Variants in PGCKA1 observed in about 807,000 individuals in gnomAD.
The protein encoded by PGCKA1 is PDCD10 and GCKIII kinases-associated protein 1.
the PGCKA1 span, among the ~76,000 whole-genome samples, chr4:37,507,053 A>C: frequency 6.6e-6 from 1 of 152,014 alleles, no homozygotes; most frequent in African/African-American, 2.4e-5. Context: ...GTCTCTTCTT[A>C]TCATTTTTGT....
At chr4:37,508,141 A>T in the PGCKA1 span, among the ~76,000 whole-genome samples, 323 of 152,086 alleles carry the variant, frequency 2.1e-3, 3 homozygotes, top group Admixed American at 0.019. Flanking sequence ...TTTGGGAAGG[A>T]TCTTCCCAAA....
At chr4:37,469,338 C>G in the PGCKA1 span, among the ~76,000 whole-genome samples, 1 of 152,186 alleles carries the variant, frequency 6.6e-6, no homozygotes, top group Non-Finnish European at 1.5e-5. Context: ...GTAAGTCTGC[C>G]TTTCAGTAAG....
At chr4:37,572,181 G>C in the PGCKA1 span, among the ~76,000 whole-genome samples, 4 of 146,714 alleles carry the variant, frequency 2.7e-5, no homozygotes, top group African/African-American at 7.6e-5. Flanking sequence ...TCCTGCCTCA[G>C]CCTCCCAAGT....
chr4:37,530,715 G>A, the PGCKA1 span, among the ~76,000 whole-genome samples: 24 of 151,770 alleles, frequency 1.6e-4, no homozygotes, highest in East Asian at 1.4e-3. Flanking sequence ...GGTGGCTCAC[G>A]CCTGTAAGCC....
chr4:37,459,711 CA>C, the PGCKA1 span, among the ~76,000 whole-genome samples: 1 of 151,882 alleles, frequency 6.6e-6, no homozygotes, highest in Non-Finnish European at 1.5e-5. Context: ...ATTGCATAAC[CA>C]CAGTAAATGC....
chr4:37,536,449 G>A, the PGCKA1 span, among the ~76,000 whole-genome samples: 1 of 152,070 alleles, frequency 6.6e-6, no homozygotes, highest in Admixed American at 6.6e-5. Context: ...CTAGTTTAAG[G>A]TCTGTCAGTC....
At chr4:37,468,074 T>G in the PGCKA1 span, among the ~76,000 whole-genome samples, 2 of 152,212 alleles carry the variant, frequency 1.3e-5, no homozygotes, top group East Asian at 3.8e-4. Context: ...CCTTCCCACT[T>G]GCAACAAAAT....
At chr4:37,502,183 T>A in the PGCKA1 span, among the ~76,000 whole-genome samples, 1 of 152,174 alleles carries the variant, frequency 6.6e-6, no homozygotes, top group Non-Finnish European at 1.5e-5. Flanking sequence ...GGCAGCAGGC[T>A]CCATCCTCAT....
the PGCKA1 span, among the ~76,000 whole-genome samples, chr4:37,551,323 T>C: frequency 0.035 from 5,297 of 152,272 alleles, 130 homozygotes; most frequent in Non-Finnish European, 0.057. Context: ...ATTAAAAAGA[T>C]GATAAATGGC....
the PGCKA1 span, among the ~76,000 whole-genome samples, chr4:37,561,505 A>C: frequency 6.6e-6 from 1 of 152,248 alleles, no homozygotes. Context: ...CCTTGAGATC[A>C]GGAGCAAAAC....
At chr4:37,495,823 T>G in the PGCKA1 span, among the ~76,000 whole-genome samples, 1 of 152,096 alleles carries the variant, frequency 6.6e-6, no homozygotes, top group Admixed American at 6.6e-5. Flanking sequence ...ACCTGCACAT[T>G]CTGCACATGT....
At chr4:37,561,775 G>A in the PGCKA1 span, among the ~76,000 whole-genome samples, 1 of 152,278 alleles carries the variant, frequency 6.6e-6, no homozygotes, top group East Asian at 1.9e-4. Context: ...AGAAGCCTCT[G>A]GTCACAATAT....
chr4:37,546,370 A>G, the PGCKA1 span, among the ~76,000 whole-genome samples: 2 of 152,216 alleles, frequency 1.3e-5, no homozygotes, highest in Non-Finnish European at 2.9e-5. Flanking sequence ...TTAGAACCCA[A>G]TGTTACCCAT....
At chr4:37,585,592 G>A in the PGCKA1 span, among the ~76,000 whole-genome samples, 3 of 73,792 alleles carry the variant, frequency 4.1e-5, no homozygotes, top group African/African-American at 1.5e-4. Flanking sequence ...TTGAGGGAGG[G>A]GAGGGGAGAG....
the PGCKA1 span, among the ~76,000 whole-genome samples, chr4:37,593,235 G>A: frequency 2.9e-4 from 44 of 152,232 alleles, no homozygotes; most frequent in African/African-American, 8.9e-4. Context: ...TGTATGGGAC[G>A]AGTGTTTTAT....
the PGCKA1 span, among the ~76,000 whole-genome samples, chr4:37,484,047 C>T: frequency 6.6e-6 from 1 of 152,132 alleles, no homozygotes; most frequent in African/African-American, 2.4e-5. Context: ...CTTCACTCAT[C>T]CCATTACCAG....
the PGCKA1 span, among the ~76,000 whole-genome samples, chr4:37,592,247 T>C: frequency 3.5e-5 from 5 of 144,722 alleles, no homozygotes; most frequent in Admixed American, 3.5e-4. Context: ...CTAGGCACAG[T>C]GGCTCATGTC....
At chr4:37,548,268 G>C in the PGCKA1 span, among the ~76,000 whole-genome samples, 5 of 152,110 alleles carry the variant, frequency 3.3e-5, no homozygotes, top group African/African-American at 1.2e-4. Context: ...TATGTGCAAG[G>C]TGTATAAAGT....
chr4:37,562,679 C>T, the PGCKA1 span, among the ~76,000 whole-genome samples: 23 of 152,146 alleles, frequency 1.5e-4, no homozygotes, highest in Non-Finnish European at 2.6e-4. Flanking sequence ...ACGGTTACTC[C>T]GGAGCTCCTT....
Sources: gnomAD v4.1 joint callset for allele counts (sites outside exome capture counted in the v4.1 genomes callset) on GRCh38, gnomAD v4.1.1 for gene constraint, MANE v1.5 for transcripts, NCBI Gene and HGNC (gene_info 2026-07-23, HGNC 2026-07-21) for gene names.